Variants in CLTCL1 observed in about 807,000 individuals in gnomAD.
CLTCL1 encodes clathrin heavy chain like 1.
A neutral mutation model predicts 190.0 loss-of-function variants in CLTCL1; 159 were observed. The ratio of observed to expected loss-of-function variants is 0.84; its 90% confidence interval spans 0.74 to 0.95. The LOEUF is 0.95. Ranked by LOEUF, CLTCL1 falls within the 40% of genes least tolerant of loss-of-function variation. CLTCL1 has a pLI of 0.00. For missense variants in CLTCL1, 1,878 were observed against 2,033.4 expected, an observed-to-expected ratio of 0.92 and a Z score of 1.47; for synonymous variants, 752 against 769.6, an observed-to-expected ratio of 0.98 and a Z score of 0.38.
intron 30 of CLTCL1, 60 bp downstream of exon 30, chr22:19,183,330 C>A: frequency 1.4e-6 from 2 of 1,469,016 alleles, no homozygotes; most frequent in South Asian, 2.4e-5. Flanking sequence ...GCCAGAGTCA[C>A]TGCCAGGGTT....
At chr22:19,225,795 G>A (rs987302654) in intron 12 of CLTCL1, among the ~76,000 whole-genome samples, 162 bp from the exon 13 acceptor site, 6 of 152,204 alleles carry the variant, frequency 3.9e-5, no homozygotes, top group Admixed American at 2.0e-4. Flanking sequence ...GGAAAAAGTA[G>A]GAGCAAGGAG....
chr22:19,264,626 C>T (rs1555977041), intron 2 of CLTCL1, among the ~76,000 whole-genome samples: 5 of 152,118 alleles, frequency 3.3e-5, no homozygotes, highest in Non-Finnish European at 7.3e-5. Context: ...GATATTATTA[C>T]AATATTATCA....
chr22:19,203,496 C>T (rs965395819), intron 22 of CLTCL1, among the ~76,000 whole-genome samples: 11 of 152,282 alleles, frequency 7.2e-5, no homozygotes, highest in African/African-American at 2.6e-4. Context: ...TTCTGCCAGC[C>T]TCTCTGCCAG....
intron 3 of CLTCL1, among the ~76,000 whole-genome samples, chr22:19,249,173 A>C (rs2086512053): frequency 6.6e-6 from 1 of 152,104 alleles, no homozygotes; most frequent in Non-Finnish European, 1.5e-5. Flanking sequence ...ATCCTGGCTA[A>C]CATGGTGAAA....
chr22:19,244,826 AGCAG>A (rs1418868811), intron 3 of CLTCL1, among the ~76,000 whole-genome samples: 1 of 152,242 alleles, frequency 6.6e-6, no homozygotes, highest in Non-Finnish European at 1.5e-5. Context: ...TAAGGACTGT[AGCAG>A]GCAAGGATTC....
At chr22:19,257,763 A>T in intron 2 of CLTCL1, 1 of 1,391,402 alleles carries the variant, frequency 7.2e-7, no homozygotes. Context: ...CTAGAATGAG[A>T]AGGAGACCAT....
intron 27 of CLTCL1, 109 bp downstream of exon 27, chr22:19,191,195 A>C: frequency 7.4e-7 from 1 of 1,342,998 alleles, no homozygotes; most frequent in Non-Finnish European, 1.0e-6. Context: ...TGAATCTTCA[A>C]GTCAGCTGGG....
rs782700217 is a variant in CLTCL1 at position 19,196,675 on chromosome 22, C to A, written c.3874-19G>T. On this transcript the variant is annotated intron_variant, in intron 24 of 32. Coordinates refer to ENST00000427926, the MANE Select transcript of CLTCL1 (RefSeq NM_007098.4). Reference sequence around the variant, plus strand: ...CACGATCCTAGCAGACCAACAGCCACGCGTGGGGCAGAGTGATTGCATGCC... The same window carrying A: ...CACGATCCTAGCAGACCAACAGCCAAGCGTGGGGCAGAGTGATTGCATGCC... 37 of 1,605,078 alleles carry A rather than the reference C, an allele frequency of 2.3e-5. 1 individual carries two copies. In the Middle Eastern group the frequency reaches 2.7e-3, roughly 118 times the overall value.
At chr22:19,284,528 C>G (rs1358764351) in intron 1 of CLTCL1, among the ~76,000 whole-genome samples, 2 of 151,874 alleles carry the variant, frequency 1.3e-5, no homozygotes, top group African/African-American at 4.8e-5. Flanking sequence ...GGTGTGGTGG[C>G]GGGCACCTAT....
chr22:19,188,614 C>CTTTTTTTT (rs1195452293), intron 27 of CLTCL1, among the ~76,000 whole-genome samples: 1 of 137,046 alleles, frequency 7.3e-6, no homozygotes. Context: ...ATTTCTTTTT[C>CTTTTTTTT]TTTTTTTTTT....
At chr22:19,182,895 G>A (rs530957225) in intron 30 of CLTCL1, 18 of 174,422 alleles carry the variant, frequency 1.0e-4, no homozygotes, top group Non-Finnish European at 1.2e-4. Flanking sequence ...ACTTCGATGA[G>A]GCAGAGAGTC....
chr22:19,219,255 T>C (rs2085489240), intron 18 of CLTCL1, among the ~76,000 whole-genome samples: 1 of 151,866 alleles, frequency 6.6e-6, no homozygotes, highest in South Asian at 2.1e-4. Context: ...TGGCGTGCAG[T>C]CTCGGCTTTC....
Position 19,214,499 on chromosome 22 carries a change from C to T in CLTCL1, c.3065+1612G>A, listed in dbSNP as rs184466147. Reference sequence around the variant, plus strand: ...TTGTTGGTTGTGTTGCAAATATCTTCCCCGCATTTGTAGCTTCTCATTTGT... The same window carrying T: ...TTGTTGGTTGTGTTGCAAATATCTTTCCCGCATTTGTAGCTTCTCATTTGT... On this transcript the variant is annotated intron_variant, in intron 19 of 32. Transcript: ENST00000427926. 7.9e-5 allele frequency among the ~76,000 whole-genome samples: 12 copies of T among 152,182 alleles called. No individual in the cohort carries two copies. The East Asian group carries it at 1.7e-3, about 22-fold the overall frequency.
At chr22:19,239,874 C>T (rs1432399756) in intron 4 of CLTCL1, among the ~76,000 whole-genome samples, 1 of 151,980 alleles carries the variant, frequency 6.6e-6, no homozygotes, top group Non-Finnish European at 1.5e-5. Context: ...ATGAGGGAGC[C>T]CATCCCTGCC....
chr22:19,197,623 A>C (rs1601483725), intron 24 of CLTCL1, among the ~76,000 whole-genome samples: 1 of 151,876 alleles, frequency 6.6e-6, no homozygotes. Flanking sequence ...TCCTCACAAC[A>C]ACCATTCCCA....
chr22:19,208,771 G>T, intron 21 of CLTCL1, 151 bp downstream of exon 21: 1 of 644,806 alleles, frequency 1.6e-6, no homozygotes, highest in South Asian at 2.4e-5. Context: ...GTTTATCTCA[G>T]ACTCTTGTGG....
intron 12 of CLTCL1, 150 bp from the exon 13 acceptor site, chr22:19,225,783 C>A (rs782710180): frequency 2.8e-6 from 2 of 723,214 alleles, no homozygotes; most frequent in Non-Finnish European, 4.4e-6. Context: ...CTATCCATCA[C>A]GGGAAAAAGT....
chr22:19,192,062 T>TC, intron 26 of CLTCL1, among the ~76,000 whole-genome samples: 1 of 117,222 alleles, frequency 8.5e-6, no homozygotes, highest in East Asian at 3.3e-4. Flanking sequence ...GGCGATGTCA[T>TC]CTTTTTTTTT....
At chr22:19,249,345 C>G (rs2086518327) in intron 3 of CLTCL1, among the ~76,000 whole-genome samples, 1 of 151,736 alleles carries the variant, frequency 6.6e-6, no homozygotes, top group Non-Finnish European at 1.5e-5. Context: ...AGCGACAGAG[C>G]AAGACCCTGT....
Sources: gnomAD v4.1 joint callset for allele counts (sites outside exome capture counted in the v4.1 genomes callset) on GRCh38, gnomAD v4.1.1 for gene constraint, MANE v1.5 for transcripts, NCBI Gene and HGNC (gene_info 2026-07-23, HGNC 2026-07-21) for gene names.